The following CABLES1 variants were observed in gnomAD, a reference collection of about 807,000 sequenced individuals.
CABLES1 encodes the protein Cdk5 and Abl enzyme substrate 1.
CABLES1 carries 36 observed loss-of-function variants against 57.8 expected under a neutral mutation model. The ratio of observed to expected loss-of-function variants is 0.62; its 90% CI spans 0.48 to 0.82. The LOEUF is 0.82. CABLES1 is among the 40% of genes least tolerant of loss of function. The pLI is 0.00. For missense variants in CABLES1, 767 were observed against 836.6 expected, an observed-to-expected ratio of 0.92 and a Z score of 1.03; for synonymous variants, 374 against 363.0, an observed-to-expected ratio of 1.03 and a Z score of -0.35.
chr18:23,193,339 C>T (rs1447580926), intron 2 of CABLES1, among the ~76,000 whole-genome samples: 1 of 152,104 alleles, frequency 6.6e-6, no homozygotes, highest in Non-Finnish European at 1.5e-5. Flanking sequence ...TTACAGGCAC[C>T]TGCCACCGCG....
intron 3 of CABLES1, among the ~76,000 whole-genome samples, chr18:23,210,763 G>A (rs530004012): frequency 1.3e-5 from 2 of 152,260 alleles, no homozygotes; most frequent in African/African-American, 2.4e-5. Flanking sequence ...CGTATGATGT[G>A]TTCTTGGAAG....
At chr18:23,240,866 T>TCCTTTC (rs2047719304) in intron 7 of CABLES1, among the ~76,000 whole-genome samples, 1 of 151,208 alleles carries the variant, frequency 6.6e-6, no homozygotes, top group Non-Finnish European at 1.5e-5. Flanking sequence ...CTCAAAGTGA[T>TCCTTTC]GAGCTAATCC....
rs1409579343 is a variant in CABLES1, at chr18:23,136,400, C to A, written c.638C>A (p.Ala213Asp). Reference protein sequence around the residue: ...AGQEELEEDDAFISVQVPAAA... With the variant: ...AGQEELEEDDDFISVQVPAAA... ...CAGGAGGAGTTGGAGGAGGACGATGCCTTTATCAGCGTGCAGGTGCCGGCG... is the reference window on the plus strand; with the variant it reads ...CAGGAGGAGTTGGAGGAGGACGATGACTTTATCAGCGTGCAGGTGCCGGCG... Residue 213 changes from alanine (A) to aspartate (D), a missense_variant, in exon 1 of 10, where the codon GCC becomes GAC. Coordinates refer to ENST00000256925, the MANE Select transcript of CABLES1 (RefSeq NM_001100619.3). 1.3e-6 allele frequency: 2 copies of A among 1,590,270 alleles called. No homozygotes were observed. Among genetic ancestry groups the A allele is most frequent in the Non-Finnish European group, 1.7e-6 (2 of 1,170,138 alleles).
chr18:23,159,026 C>T (rs565618529), intron 1 of CABLES1, among the ~76,000 whole-genome samples: 27 of 152,172 alleles, frequency 1.8e-4, no homozygotes, highest in African/African-American at 1.7e-4. Context: ...GAGTGCAGGG[C>T]GCGATCTCGG....
chr18:23,162,650 A>G (rs1480644421), intron 1 of CABLES1, among the ~76,000 whole-genome samples: 1 of 152,192 alleles, frequency 6.6e-6, no homozygotes, highest in Admixed American at 6.5e-5. Context: ...AGGAGGAGAG[A>G]ACAAGCAGGT....
At chr18:23,161,754 C>CAAAAAAAAAAAAA (rs1184010487) in intron 1 of CABLES1, among the ~76,000 whole-genome samples, 4 of 33,144 alleles carry the variant, frequency 1.2e-4, no homozygotes, top group African/African-American at 3.0e-4. Context: ...ACTAAAAATC[C>CAAAAAAAAAAAAA]AAAAAAAAAA....
intron 1 of CABLES1, among the ~76,000 whole-genome samples, chr18:23,150,852 C>T (rs774162062): frequency 1.8e-4 from 28 of 151,418 alleles, no homozygotes; most frequent in Non-Finnish European, 3.1e-4. Context: ...CCTGAGATGC[C>T]GATGCACTTG....
intron 4 of CABLES1, among the ~76,000 whole-genome samples, chr18:23,233,605 T>C (rs2047581667): frequency 6.6e-6 from 1 of 152,288 alleles, no homozygotes; most frequent in East Asian, 1.9e-4. Context: ...CCCAGCACTT[T>C]AGGAGGCCAA....
At chr18:23,174,564 C>A (rs755173512) in intron 1 of CABLES1, among the ~76,000 whole-genome samples, 1 of 151,654 alleles carries the variant, frequency 6.6e-6, no homozygotes, top group Non-Finnish European at 1.5e-5. Flanking sequence ...CTCCACCTCC[C>A]GGGTTCACGC....
At chr18:23,218,426 GCATCCTCACTTGCCCTGC>G (rs2047459616) in intron 4 of CABLES1, among the ~76,000 whole-genome samples, 1 of 86,010 alleles carries the variant, frequency 1.2e-5, no homozygotes. Context: ...CCTGCCTCCC[GCATCCTCACTTGCCCTGC>G]CTCCCGCATC....
chr18:23,203,245 G>A (rs1234055973), intron 3 of CABLES1, among the ~76,000 whole-genome samples: 1 of 152,124 alleles, frequency 6.6e-6, no homozygotes, highest in Non-Finnish European at 1.5e-5. Context: ...GCAGGAGATG[G>A]CTTCATGTGC....
chr18:23,160,192 C>G (rs951424662), intron 1 of CABLES1, among the ~76,000 whole-genome samples: 7 of 152,036 alleles, frequency 4.6e-5, no homozygotes, highest in African/African-American at 1.7e-4. Context: ...CGCCCGCCAC[C>G]ACACCCGGCT....
chr18:23,187,976 A>T (rs2047214723), intron 1 of CABLES1, among the ~76,000 whole-genome samples: 3 of 152,196 alleles, frequency 2.0e-5, no homozygotes, highest in African/African-American at 7.2e-5. Context: ...TAAAAAATAG[A>T]CTTATCTTAA....
rs532726195 is a variant in CABLES1 at position 23,149,014 on chromosome 18, T to C, written c.845+12407T>C. Among the ~76,000 whole-genome samples, 33 of 152,188 alleles carry C rather than the reference T, an allele frequency of 2.2e-4. No individual in the cohort carries two copies. The South Asian group carries it at 4.8e-3, about 22-fold the overall frequency. On this transcript the variant is annotated intron_variant, in intron 1 of 9. Coordinates refer to ENST00000256925, the MANE Select transcript of CABLES1 (RefSeq NM_001100619.3). ...AAGCAATCCTCCTGCCTTAGCTTCCTGAGTAGCTGGGACTTCAGGTGTGTG... is the reference window on the plus strand; with the variant it reads ...AAGCAATCCTCCTGCCTTAGCTTCCCGAGTAGCTGGGACTTCAGGTGTGTG...
intron 6 of CABLES1, 68 bp from the exon 7 acceptor site, chr18:23,237,074 T>C: frequency 2.1e-6 from 2 of 932,072 alleles, no homozygotes; most frequent in Non-Finnish European, 3.6e-6. Context: ...GGCATTCTCC[T>C]GGCTGTCTCT....
intron 1 of CABLES1, among the ~76,000 whole-genome samples, chr18:23,143,854 C>A (rs1291435487): frequency 6.6e-6 from 1 of 152,174 alleles, no homozygotes; most frequent in Non-Finnish European, 1.5e-5. Context: ...TCAGAGGGAC[C>A]CTTCTGAAAC....
intron 1 of CABLES1, among the ~76,000 whole-genome samples, chr18:23,178,576 C>G (rs1487621002): frequency 6.6e-6 from 1 of 152,230 alleles, no homozygotes; most frequent in East Asian, 1.9e-4. Context: ...GGGGGTATCA[C>G]TGGATCTTCA....
Position 23,257,314 on chromosome 18 carries a change from T to C in CABLES1, c.1849T>C (p.Leu617=), listed in dbSNP as rs750496966. Residue 617 remains leucine (L), a synonymous_variant, in exon 10 of 10, where the codon TTG becomes CTG. Coordinates refer to ENST00000256925, the MANE Select transcript of CABLES1 (RefSeq NM_001100619.3). ...VLVALEFALH[L]PEHEVMPHYR... ...AGTGGCCTTGGAATTCGCCCTCCAC[T>C]TGCCCGAGCACGAAGTCATGCCCCA... 1.7e-5 allele frequency: 27 copies of C among 1,613,868 alleles called. No homozygotes were observed. The African/African-American group carries it at 3.6e-4, about 22-fold the overall frequency.
chr18:23,147,145 A>C (rs1214979808), intron 1 of CABLES1, among the ~76,000 whole-genome samples: 1 of 152,198 alleles, frequency 6.6e-6, no homozygotes, highest in Non-Finnish European at 1.5e-5. Flanking sequence ...CAATAACAAC[A>C]GCTCTCTCCA....
Sources: gnomAD v4.1 joint callset for allele counts (sites outside exome capture counted in the v4.1 genomes callset) on GRCh38, gnomAD v4.1.1 for gene constraint, MANE v1.5 for transcripts, NCBI Gene and HGNC (gene_info 2026-07-23, HGNC 2026-07-21) for gene names.